Variants in TIPRL observed in about 807,000 individuals in gnomAD.
TIPRL encodes TIP41-like protein.
TIPRL carries 10 observed loss-of-function variants against 32.3 expected under a neutral mutation model. The ratio of observed to expected loss-of-function variants is 0.31; its 90% CI spans 0.19 to 0.52. TIPRL has a LOEUF of 0.52. TIPRL is among the 20% of genes least tolerant of loss of function. The pLI, the probability that TIPRL is intolerant of heterozygous loss-of-function variation, is 0.96. For synonymous variants in TIPRL, 100 were observed against 114.0 expected (o/e 0.88, Z 0.78); for missense variants, 250 against 328.1 (o/e 0.76, Z 1.84).
chr1:168,180,145 C>T (rs77612554), intron 1 of TIPRL, among the ~76,000 whole-genome samples: 1,698 of 152,184 alleles, frequency 0.011, 10 homozygotes, highest in Admixed American at 0.014. Context: ...GATTGCAGGT[C>T]CGCAGGGATG....
At chr1:168,192,261 G>A in intron 4 of TIPRL, 1 of 1,347,654 alleles carries the variant, frequency 7.4e-7, no homozygotes, top group Non-Finnish European at 9.8e-7. Context: ...GGCAGGAGAA[G>A]CGTGAACCCG....
intron 4 of TIPRL, among the ~76,000 whole-genome samples, 159 bp from the exon 5 acceptor site, chr1:168,196,388 T>C (rs1261483971): frequency 2.0e-5 from 3 of 152,242 alleles, no homozygotes; most frequent in Admixed American, 1.3e-4. Context: ...TAGTTGGAGC[T>C]AGGACAAAGA....
chr1:168,197,580 C>T (rs902573706), intron 5 of TIPRL, among the ~76,000 whole-genome samples: 11 of 152,200 alleles, frequency 7.2e-5, no homozygotes, highest in East Asian at 1.9e-4. Context: ...AATGCAGTGG[C>T]GCGATCTTGG....
intron 1 of TIPRL, among the ~76,000 whole-genome samples, chr1:168,181,965 G>C (rs764288359): frequency 2.0e-5 from 3 of 151,896 alleles, no homozygotes; most frequent in Non-Finnish European, 4.4e-5. Flanking sequence ...TCTGAAGGCT[G>C]AGGCACGAGA....
chr1:168,186,431 G>A (rs1700029007), intron 3 of TIPRL, among the ~76,000 whole-genome samples: 1 of 152,016 alleles, frequency 6.6e-6, no homozygotes, highest in South Asian at 2.1e-4. Context: ...AGGAGGTAGA[G>A]GTTGCAGTGA....
chr1:168,198,214 C>T (rs1465221948), intron 5 of TIPRL, among the ~76,000 whole-genome samples: 1 of 152,104 alleles, frequency 6.6e-6, no homozygotes, highest in Non-Finnish European at 1.5e-5. Context: ...TACCTATAAG[C>T]TGTGATCACT....
At chr1:168,197,633 T>G (rs1700172181) in intron 5 of TIPRL, among the ~76,000 whole-genome samples, 1 of 152,058 alleles carries the variant, frequency 6.6e-6, no homozygotes, top group African/African-American at 2.4e-5. Context: ...AATTCTCATG[T>G]CTCAGCCTCC....
At chr1:168,180,872 C>T (rs564481347) in intron 1 of TIPRL, among the ~76,000 whole-genome samples, 143 of 128,836 alleles carry the variant, frequency 1.1e-3, no homozygotes, top group Admixed American at 3.8e-3. Context: ...GCATTTTGCT[C>T]AGGCTGGTCT....
At chr1:168,194,714 A>G (rs976395591) in intron 4 of TIPRL, among the ~76,000 whole-genome samples, 2 of 152,214 alleles carry the variant, frequency 1.3e-5, no homozygotes, top group Non-Finnish European at 2.9e-5. Context: ...CCCCATCAGA[A>G]TACACTTTGG....
In TIPRL at chr1:168,199,946, A is replaced by C; in HGVS notation, c.719A>C (p.Gln240Pro). 1.2e-6 allele frequency: 2 copies of C among 1,613,570 alleles called. No individual in the cohort carries two copies. Residue 240 changes from glutamine (Q) to proline (P), a missense_variant, in exon 7 of 7, where the codon CAG (glutamine) becomes CCG (proline). Physicochemically the swap from Gln to Pro is moderately conservative, Grantham distance 76 (BLOSUM62 -1). Coordinates refer to ENST00000367833, the MANE Select transcript of TIPRL (RefSeq NM_152902.5). ...TTCACGGAACCTAATGAAATATCCC[A>C]GTATTTACCAATAAAGGAAGCAGTT... Reference protein sequence around the residue: ...SLFTEPNEISQYLPIKEAVCE... With the variant: ...SLFTEPNEISPYLPIKEAVCE...
intron 5 of TIPRL, among the ~76,000 whole-genome samples, chr1:168,197,518 TTTTA>T (rs140469784): frequency 6.6e-6 from 1 of 152,108 alleles, no homozygotes; most frequent in Non-Finnish European, 1.5e-5. Flanking sequence ...TAAATTTTAT[TTTTA>T]TTTATTTATT....
intron 3 of TIPRL, among the ~76,000 whole-genome samples, chr1:168,187,715 G>T (rs982802798): frequency 6.6e-6 from 1 of 152,194 alleles, no homozygotes; most frequent in East Asian, 1.9e-4. Context: ...AGTGGCTCAT[G>T]CCTGTAGTCC....
rs545656935 is a variant in TIPRL, at chr1:168,194,593, A to G, written c.517-1954A>G. Among the ~76,000 whole-genome samples the G allele has an allele frequency of 4.6e-5, 7 of 152,346 alleles. No individual in the cohort carries two copies. In the East Asian group the frequency reaches 1.3e-3, roughly 29 times the overall value. On this transcript the variant is annotated intron_variant, in intron 4 of 6. Coordinates refer to ENST00000367833, the MANE Select transcript of TIPRL (RefSeq NM_152902.5). ...CACATATCACTGTGTAGTAATGTCAAATAATAATGATGTGCTTCTCAATTT... is the reference window on the plus strand; with the variant it reads ...CACATATCACTGTGTAGTAATGTCAGATAATAATGATGTGCTTCTCAATTT...
intron 1 of TIPRL, among the ~76,000 whole-genome samples, chr1:168,182,546 A>G (rs1356657915): frequency 1.3e-5 from 2 of 148,814 alleles, no homozygotes; most frequent in East Asian, 3.9e-4. Flanking sequence ...GGATTGCTTG[A>G]ATCTGGGAGG....
chr1:168,192,349 G>T (rs1321831219), intron 4 of TIPRL: 3 of 957,204 alleles, frequency 3.1e-6, no homozygotes, highest in Non-Finnish European at 1.3e-6. Context: ...GCAAGACTCC[G>T]TCTCAAAAAA....
At chr1:168,189,219 A>G (rs1315327847) in intron 3 of TIPRL, among the ~76,000 whole-genome samples, 1 of 152,238 alleles carries the variant, frequency 6.6e-6, no homozygotes, top group Non-Finnish European at 1.5e-5. Context: ...ATCTCAGCCC[A>G]GTAACTCCAT....
chr1:168,198,812 G>C, intron 5 of TIPRL, 107 bp from the exon 6 acceptor site: 1 of 891,854 alleles, frequency 1.1e-6, no homozygotes, highest in South Asian at 1.5e-5. Context: ...TAGACTGCAT[G>C]CTGTTTTGAC....
At position 168,184,006 on chromosome 1, in the gene TIPRL, C is replaced by T. The variant is rs375553827; in HGVS notation, c.209C>T (p.Thr70Ile). Residue 70 changes from threonine (T) to isoleucine (I), a missense_variant, in exon 2 of 7, where the codon ACA (threonine) becomes ATA (isoleucine). Physicochemically the swap from Thr to Ile is moderately conservative, Grantham distance 89. Transcript: ENST00000367833. ...GSGFGIEFNA[T>I]DALRCVNNYQ... The stretch of plus-strand genomic sequence containing the variant: ...GGCTTTGGAATTGAGTTCAATGCTA[C>T]AGATGCGTTAAGATGTGTAAACAAC... 2.5e-6 allele frequency: 4 copies of T among 1,614,128 alleles called. No homozygotes were observed. The highest frequency in any genetic ancestry group is 3.4e-6 in the Non-Finnish European group (4 of 1,179,984).
At position 168,201,256 on chromosome 1, in the gene TIPRL, A is replaced by T. The variant is rs1369090084; in HGVS notation, c.*1210A>T. Reference sequence around the variant, plus strand: ...ATATTTTTTTGAAGGGCAGGGGGAAAATTCACCCCTTTTCTGATTTGAAAT... The same window carrying T: ...ATATTTTTTTGAAGGGCAGGGGGAATATTCACCCCTTTTCTGATTTGAAAT... On this transcript the variant is annotated 3_prime_UTR_variant, in exon 7 of 7. Coordinates refer to ENST00000367833, the MANE Select transcript of TIPRL (RefSeq NM_152902.5). 6.6e-6 allele frequency: 1 copy of T among 152,078 alleles called. No homozygotes were observed. The highest frequency in any genetic ancestry group is 1.5e-5 in the Non-Finnish European group (1 of 67,984). 9.4% of individuals were successfully genotyped at this position (152,078 alleles called of 1,614,324 possible).
Sources: gnomAD v4.1 joint callset for allele counts (sites outside exome capture counted in the v4.1 genomes callset) on GRCh38, gnomAD v4.1.1 for gene constraint, MANE v1.5 for transcripts, NCBI Gene and HGNC (gene_info 2026-07-23, HGNC 2026-07-21) for gene names.